C4orf51: variants seen among roughly 807,000 people sequenced by gnomAD.
C4orf51 encodes chromosome 4 open reading frame 51.
In C4orf51, 25 loss-of-function variants were observed where a neutral mutation model predicts 25.2. The observed-to-expected ratio is 0.99, with a 90% CI of 0.72 to 1.39. The LOEUF is 1.39. Ranked by LOEUF, C4orf51 falls within the 40% of genes most tolerant of loss-of-function variation. The pLI, the probability that C4orf51 is intolerant of heterozygous loss-of-function variation, is 0.00. For synonymous variants in C4orf51, 100 were observed against 84.5 expected, an observed-to-expected ratio of 1.18 and a Z score of -1.01; for missense variants, 252 against 239.6, an observed-to-expected ratio of 1.05 and a Z score of -0.34.
At chr4:145,694,260 G>A (rs867057822) in intron 1 of C4orf51, among the ~76,000 whole-genome samples, 13,260 of 134,118 alleles carry the variant, frequency 0.099, 809 homozygotes, top group South Asian at 0.12. Flanking sequence ...GCGGCCAGGC[G>A]GAGACGCTCC....
intron 1 of C4orf51, among the ~76,000 whole-genome samples, chr4:145,749,063 G>GTATATA (rs142948635): frequency 0.024 from 3,402 of 139,840 alleles, 76 homozygotes; most frequent in Non-Finnish European, 0.036. Flanking sequence ...GTGTGTGTGT[G>GTATATA]TGTATATATA....
At position 145,732,766 on chromosome 4, in the gene C4orf51, T is replaced by C. The variant is rs1732555642; in HGVS notation, c.*206T>C. ...TGGTGGAGAGAGACAAAAGTTTTTA[T>C]AATCTTTATTAAATTTTCCTTTTTA... is the stretch of plus-strand genomic sequence containing the variant. On this transcript the variant is annotated 3_prime_UTR_variant, in exon 6 of 6. Coordinates refer to ENST00000438731, the MANE Select transcript of C4orf51 (RefSeq NM_001080531.3). 1 of 423,136 alleles carries C rather than the reference T, an allele frequency of 2.4e-6. No individual in the cohort carries two copies. 26.2% of individuals were successfully genotyped at this position (423,136 alleles called of 1,614,324 possible). A position where few individuals can be genotyped will look rare whatever the true frequency, so the allele number is the denominator to read the frequency against.
chr4:145,743,247 C>T lies in C4orf51; in HGVS notation n.167+10628C>T, dbSNP rs1005188331. Among the ~76,000 whole-genome samples, 14 of 152,132 alleles carry T rather than the reference C, an allele frequency of 9.2e-5. 1 individual carries two copies. Among genetic ancestry groups the T allele is most frequent in the Admixed American group, 3.3e-4 (5 of 15,286 alleles). On this transcript the variant is annotated intron_variant and non_coding_transcript_variant, in intron 1 of 1. Transcript: ENST00000508981. ...TTTTGTGTTGCTGTAACAAAATACC[C>T]GAGACTATATCATTTATAATAAACA... is the stretch of plus-strand genomic sequence containing the variant.
chr4:145,770,297 TTAAAATAAATAAATAAA>T (rs1354118233), intron 1 of C4orf51, among the ~76,000 whole-genome samples: 62 of 141,186 alleles, frequency 4.4e-4, no homozygotes, highest in African/African-American at 1.6e-3. Flanking sequence ...AGACCCTGTC[TTAAAATAAATAAATAAA>T]TAAATAAATA....
In C4orf51 at chr4:145,763,077, A is replaced by C. The variant is rs1347782510; in HGVS notation, n.167-7911A>C. ...AGGTGCACACACAACCCCTACGCCA[A>C]GCTGGGCCTTACCTAGAGGAGTCTG... On this transcript the variant is annotated intron_variant and non_coding_transcript_variant, in intron 1 of 1. Transcript: ENST00000510096. This position sits in a 1 kb window ranked among gnomAD's most constrained non-coding sequence, Gnocchi z 4.6. 6.5e-7 allele frequency: 1 copy of C among 1,535,756 alleles called. No homozygotes were observed. The highest frequency in any genetic ancestry group is 8.7e-7 in the Non-Finnish European group (1 of 1,146,738).
At chr4:145,784,543 T>C in the C4orf51 span, among the ~76,000 whole-genome samples, 1 of 152,194 alleles carries the variant, frequency 6.6e-6, no homozygotes, top group Admixed American at 6.5e-5. Context: ...CACATTTCCA[T>C]CTTAATTATC....
At chr4:145,716,540 C>T (rs568054694) in intron 2 of C4orf51, among the ~76,000 whole-genome samples, 17 of 152,302 alleles carry the variant, frequency 1.1e-4, no homozygotes, top group African/African-American at 4.1e-4. Context: ...GATTATTTTC[C>T]ATATAATTTC....
intron 2 of C4orf51, 83 bp downstream of exon 2, chr4:145,696,715 A>G: frequency 9.9e-7 from 1 of 1,007,470 alleles, no homozygotes; most frequent in South Asian, 1.5e-5. Context: ...TTTTTCTCTC[A>G]CTTTACTGAG....
chr4:145,766,163 T>C (rs893516738), intron 1 of C4orf51, among the ~76,000 whole-genome samples: 3 of 152,154 alleles, frequency 2.0e-5, no homozygotes, highest in African/African-American at 7.2e-5. Context: ...CTAGATCATA[T>C]GGCTGGGAAG....
At chr4:145,760,861 T>G in intron 1 of C4orf51, 1 of 1,216,772 alleles carries the variant, frequency 8.2e-7, no homozygotes, top group Non-Finnish European at 1.0e-6. Flanking sequence ...AGGCGCAGTC[T>G]GAGGTCGGGG....
downstream of C4orf51, chr4:145,775,809 C>T (rs2126947220): frequency 1.2e-6 from 2 of 1,614,200 alleles, no homozygotes; most frequent in Middle Eastern, 1.6e-4. Context: ...AAGGATGTTT[C>T]TTCCCATCAC....
chr4:145,701,516 T>C (rs1730440627), intron 2 of C4orf51, among the ~76,000 whole-genome samples: 1 of 151,880 alleles, frequency 6.6e-6, no homozygotes, highest in East Asian at 1.9e-4. Flanking sequence ...CCTGGAACTC[T>C]GGCCCAAGGC....
intron 5 of C4orf51, among the ~76,000 whole-genome samples, chr4:145,731,423 G>A (rs1236804158): frequency 6.6e-6 from 1 of 151,900 alleles, no homozygotes; most frequent in East Asian, 1.9e-4. Context: ...TTTTTGTGGT[G>A]CAATAACAGA....
rs1217865167 is a variant in C4orf51 at position 145,768,909 on chromosome 4, ATATAT to A, written n.167-2078_167-2074del. Among the ~76,000 whole-genome samples the A allele has an allele frequency of 1.9e-3, 80 of 41,976 alleles. 11 individuals carry two copies. The highest frequency in any genetic ancestry group is 3.5e-3 in the Non-Finnish European group (66 of 18,952). The allele number at this position is 41,976 out of a possible 152,430, so 27.5% of individuals were successfully genotyped here. A position where few individuals can be genotyped will look rare whatever the true frequency, so the allele number is the denominator to read the frequency against. Reference sequence around the variant, plus strand: ...AAAAAAAATATATATATATATATATATATATATTAGGTATACAAAGTTTGGAAATA... The same window carrying A: ...AAAAAAAATATATATATATATATATAATTAGGTATACAAAGTTTGGAAATA... On this transcript the variant is annotated intron_variant and non_coding_transcript_variant, in intron 1 of 1. Coordinates refer to the C4orf51 transcript ENST00000510096.
At chr4:145,696,215 T>G (rs1560826914) in intron 1 of C4orf51, among the ~76,000 whole-genome samples, 1 of 152,048 alleles carries the variant, frequency 6.6e-6, no homozygotes, top group Non-Finnish European at 1.5e-5. Flanking sequence ...TGAGCCAAGA[T>G]CACACCACTG....
At chr4:145,769,715 C>A (rs80087793) in intron 1 of C4orf51, among the ~76,000 whole-genome samples, 85 of 152,278 alleles carry the variant, frequency 5.6e-4, no homozygotes, top group African/African-American at 2.0e-3. Flanking sequence ...CCCAAGTGGT[C>A]ATTTACCTTC....
intron 1 of C4orf51, among the ~76,000 whole-genome samples, chr4:145,753,015 TGGGGA>T (rs759035280): frequency 2.0e-5 from 3 of 152,134 alleles, no homozygotes; most frequent in Non-Finnish European, 4.4e-5. Context: ...TGCTGGGGGC[TGGGGA>T]GGGATGGTCT....
downstream of C4orf51, among the ~76,000 whole-genome samples, chr4:145,756,429 G>GAGA (rs1297330171): frequency 1.4e-4 from 21 of 152,322 alleles, no homozygotes; most frequent in African/African-American, 5.1e-4. Context: ...ATGTTTTCCA[G>GAGA]AGAAGTCAAG....
chr4:145,770,585 C>G (rs1282065534), intron 1 of C4orf51, among the ~76,000 whole-genome samples: 6 of 151,426 alleles, frequency 4.0e-5, no homozygotes, highest in Non-Finnish European at 8.8e-5. Flanking sequence ...TATTATAAAA[C>G]ATACATAATA....
Sources: gnomAD v4.1 joint callset for allele counts (sites outside exome capture counted in the v4.1 genomes callset) on GRCh38, gnomAD v4.1.1 for gene constraint, Gnocchi (gnomAD v3.1) non-coding constraint, MANE v1.5 for transcripts, NCBI Gene and HGNC (gene_info 2026-07-23, HGNC 2026-07-21) for gene names.